The following BCLAF3 variants were observed in gnomAD, a reference collection of about 807,000 sequenced individuals.
BCLAF3 encodes transient octamer binding factor 1.
In BCLAF3, 24 loss-of-function variants were observed where a neutral mutation model predicts 51.2. That is an observed-to-expected ratio of 0.47 (90% CI 0.34 to 0.66). The LOEUF (loss-of-function observed/expected upper bound fraction) is 0.66. Among genes scored for constraint, BCLAF3 ranks in the 30% least tolerant of loss-of-function variants. The pLI, the probability that BCLAF3 is intolerant of heterozygous loss-of-function variation, is 0.01. For synonymous variants in BCLAF3, 152 were observed against 176.6 expected (o/e 0.86, Z 1.10); for missense variants, 465 against 525.1 (o/e 0.89, Z 1.12).
chrX:19,946,275 C>T (rs920528727), intron 8 of BCLAF3, among the ~76,000 whole-genome samples: 3 of 112,324 alleles, frequency 2.7e-5, no homozygotes, highest in African/African-American at 6.5e-5. Context: ...GGGCTGTTCC[C>T]ATTCGGCCAT....
chrX:19,962,330 T>C (rs1221353599), intron 4 of BCLAF3, among the ~76,000 whole-genome samples: 2 of 110,955 alleles, frequency 1.8e-5, no homozygotes, highest in African/African-American at 6.5e-5. Flanking sequence ...TATAGGCACA[T>C]GTCAACACAC....
rs1442797163 is a variant in BCLAF3 at position 19,966,318 on chromosome X, G to A, written c.373C>T (p.His125Tyr). The A allele has an allele frequency of 1.7e-6, 2 of 1,209,467 alleles. No individual in the cohort carries two copies. Residue 125 changes from histidine to tyrosine, a missense_variant, in exon 3 of 12, where the codon CAT (histidine) becomes TAT (tyrosine). Transcript: ENST00000379682. ...TTCTGGGGATAAGAATTCCTTTCATGCTCTTTGTAGGGTATACCCTCTGAG... is the reference window on the plus strand; with the variant it reads ...TTCTGGGGATAAGAATTCCTTTCATACTCTTTGTAGGGTATACCCTCTGAG... Reference protein sequence around the residue: ...KYSEGIPYKEHERNSYPQKVQ... With the variant: ...KYSEGIPYKEYERNSYPQKVQ...
intron 8 of BCLAF3, among the ~76,000 whole-genome samples, chrX:19,949,468 C>G (rs1339100401): frequency 9.0e-6 from 1 of 111,605 alleles, no homozygotes; most frequent in Non-Finnish European, 1.9e-5. Flanking sequence ...TTTTAAAATC[C>G]TGTTTCTTGG....
At chrX:19,934,388 T>C (rs913801716) in intron 10 of BCLAF3, among the ~76,000 whole-genome samples, 4 of 112,288 alleles carry the variant, frequency 3.6e-5, no homozygotes, top group Non-Finnish European at 7.5e-5. Context: ...CTGTAAGTTA[T>C]GCAGACATCA....
At position 19,939,005 on chromosome X, in the gene BCLAF3, G is replaced by A. The variant is rs1021449376; in HGVS notation, c.1746-1473C>T. Among the ~76,000 whole-genome samples the A allele has an allele frequency of 3.6e-5, 4 of 111,972 alleles. No individual in the cohort carries two copies. In the Admixed American group the frequency reaches 3.8e-4, roughly 11 times the overall value. On this transcript the variant is annotated intron_variant, in intron 8 of 11. Transcript: ENST00000379682. Reference sequence around the variant, plus strand: ...TCAGAGGAAGCAATGTGGATGATTCGTTTTGTGGCCCCAGCTCTGATCCCA... The same window carrying A: ...TCAGAGGAAGCAATGTGGATGATTCATTTTGTGGCCCCAGCTCTGATCCCA...
At chrX:19,921,033 T>C (rs1184708603) in intron 11 of BCLAF3, among the ~76,000 whole-genome samples, 1 of 111,143 alleles carries the variant, frequency 9.0e-6, no homozygotes, top group Non-Finnish European at 1.9e-5. Context: ...AAGAGAACAG[T>C]AGGAACAAAG....
At chrX:19,987,851 C>A (rs1230423201) in intron 1 of BCLAF3, among the ~76,000 whole-genome samples, 1 of 111,850 alleles carries the variant, frequency 8.9e-6, no homozygotes, top group Non-Finnish European at 1.9e-5. Flanking sequence ...CTGGAATTAC[C>A]TCCATTTCAC....
At position 19,965,476 on chromosome X, in the gene BCLAF3, T is replaced by C. The variant is rs2072018646; in HGVS notation, c.842A>G (p.Tyr281Cys). ...CAAGAGCTTAGGACGTTTGTGACGA[T>C]AGTCATAGGATACTTTGGTTGCTGA... Reference protein sequence around the residue: ...TSSATKVSYDYRHKRPKLLDG... With the variant: ...TSSATKVSYDCRHKRPKLLDG... The change falls in exon 4 of 12, where the codon TAT (tyrosine) becomes TGT (cysteine). Residue 281 changes from tyrosine to cysteine, a missense_variant. By Grantham distance (194) the Tyr-to-Cys change is radical. Coordinates refer to ENST00000379682, the MANE Select transcript of BCLAF3 (RefSeq NM_001367774.2). 5.0e-6 allele frequency: 6 copies of C among 1,211,661 alleles called. No individual in the cohort carries two copies. The highest frequency in any genetic ancestry group is 1.8e-5 in the South Asian group (1 of 56,895).
Position 19,965,289 on chromosome X carries a change from T to G in BCLAF3, c.1029A>C (p.Lys343Asn). 1 of 1,211,547 alleles carries G rather than the reference T, an allele frequency of 8.3e-7. No individual in the cohort carries two copies. The highest frequency in any genetic ancestry group is 1.1e-6 in the Non-Finnish European group (1 of 895,383). The change falls in exon 4 of 12, where the codon AAA (lysine) becomes AAC (asparagine). Residue 343 changes from lysine to asparagine, a missense_variant. Physicochemically the swap from Lys to Asn is moderately conservative, Grantham distance 94 (BLOSUM62 0). Transcript: ENST00000379682. ...AGGCAATGCTGTCTTTCTTAGACGGTTTAAAAGGTTCTTTGACTTGTCCAT... is the reference window on the plus strand; with the variant it reads ...AGGCAATGCTGTCTTTCTTAGACGGGTTAAAAGGTTCTTTGACTTGTCCAT... ...TQDGQVKEPF[K>N]PSKKDSIACT...
Position 19,913,035 on chromosome X carries a change from G to A in BCLAF3, c.*4270C>T, listed in dbSNP as rs1282024704. On this transcript the variant is annotated 3_prime_UTR_variant, in exon 12 of 12. Coordinates refer to ENST00000379682, the MANE Select transcript of BCLAF3 (RefSeq NM_001367774.2). ...ACTCATATGTACAGACAGGATTGAC[G>A]GGGGGAATCCCTAAACTTTTTATTC... The A allele has an allele frequency of 9.0e-6, 1 of 111,608 alleles. No homozygotes were observed. The highest frequency in any genetic ancestry group is 3.3e-5 in the African/African-American group (1 of 30,690). 9.2% of individuals were successfully genotyped at this position (111,608 alleles called of 1,213,427 possible). A position where few individuals can be genotyped will look rare whatever the true frequency, so the allele number is the denominator to read the frequency against.
chrX:19,933,873 C>T (rs980834742), intron 10 of BCLAF3, among the ~76,000 whole-genome samples: 1 of 111,527 alleles, frequency 9.0e-6, no homozygotes, highest in Non-Finnish European at 1.9e-5. Flanking sequence ...CAGGCTGAAG[C>T]GATCTTCCCA....
chrX:19,973,355 G>A (rs1393493031), intron 1 of BCLAF3, among the ~76,000 whole-genome samples: 3 of 111,511 alleles, frequency 2.7e-5, no homozygotes, highest in Admixed American at 9.5e-5. Flanking sequence ...AATCAGCTGT[G>A]TACACTAAGA....
intron 11 of BCLAF3, among the ~76,000 whole-genome samples, chrX:19,922,910 A>G (rs1051086402): frequency 2.7e-5 from 3 of 110,677 alleles, no homozygotes; most frequent in African/African-American, 9.9e-5. Context: ...AAAAAAAATT[A>G]TATGGAGAAA....
At position 19,913,522 on chromosome X, in the gene BCLAF3, G is replaced by T. The variant is rs1603297072; in HGVS notation, c.*3783C>A. 1.8e-5 allele frequency: 2 copies of T among 112,695 alleles called. No individual in the cohort carries two copies. Among genetic ancestry groups the T allele is most frequent in the South Asian group, 3.6e-4 (1 of 2,760 alleles). The allele number at this position is 112,695 out of a possible 1,213,427, so 9.3% of individuals were successfully genotyped here. The stretch of plus-strand genomic sequence containing the variant: ...GCCAGTTATTCTCAAACTCAAGTAT[G>T]TGCCAGAATCCCCTGGAGGACTTGT... On this transcript the variant is annotated 3_prime_UTR_variant, in exon 12 of 12. Coordinates refer to ENST00000379682, the MANE Select transcript of BCLAF3 (RefSeq NM_001367774.2).
chrX:19,987,677 G>A (rs1428577670), intron 1 of BCLAF3, among the ~76,000 whole-genome samples: 1 of 112,422 alleles, frequency 8.9e-6, no homozygotes. Context: ...ACCAGTGACT[G>A]CTAGGGGGTA....
chrX:19,942,147 G>T (rs62589444), intron 8 of BCLAF3, among the ~76,000 whole-genome samples: 2 of 56,963 alleles, frequency 3.5e-5, no homozygotes, highest in Non-Finnish European at 5.8e-5. Flanking sequence ...TGCTGAAGTT[G>T]CTTATCAGCT....
At chrX:19,972,818 T>C (rs145973517) in intron 1 of BCLAF3, among the ~76,000 whole-genome samples, 3,011 of 112,251 alleles carry the variant, frequency 0.027, 116 homozygotes, top group African/African-American at 0.093. Context: ...CATCCCTTTT[T>C]ATGGTAGAAT....
intron 1 of BCLAF3, among the ~76,000 whole-genome samples, chrX:19,972,772 C>G (rs1391661662): frequency 1.8e-5 from 2 of 111,898 alleles, no homozygotes; most frequent in South Asian, 7.3e-4. Flanking sequence ...AGCATGTTTT[C>G]AAGGTTCACC....
intron 3 of BCLAF3, 80 bp from the exon 4 acceptor site, chrX:19,965,786 T>C: frequency 1.0e-6 from 1 of 957,923 alleles, no homozygotes; most frequent in East Asian, 3.2e-5. Context: ...TCGGGCAGCA[T>C]GGCTTTAAAT....
Sources: allele counts gnomAD v4.1 joint callset (sites outside exome capture counted in the v4.1 genomes callset), GRCh38; gene constraint gnomAD v4.1.1; transcripts MANE v1.5; gene names NCBI Gene and HGNC (gene_info 2026-07-23, HGNC 2026-07-21).